RPS6KA2: variants seen among roughly 807,000 people sequenced by gnomAD.
RPS6KA2 encodes ribosomal protein S6 kinase A2.
Under a neutral mutation model 91.8 loss-of-function variants are expected in RPS6KA2, and 42 were observed. The observed-to-expected ratio is 0.46, with a 90% CI of 0.36 to 0.59. RPS6KA2 has a LOEUF of 0.59. RPS6KA2 is among the 20% of genes least tolerant of loss of function. The probability of loss-of-function intolerance (pLI) is 0.00; values close to 1 mark genes in which losing one functional copy is unlikely to be tolerated. For missense variants in RPS6KA2, 798 were observed against 978.5 expected (o/e 0.82, Z 2.46); for synonymous variants, 414 against 393.6 (o/e 1.05, Z -0.61).
intron 2 of RPS6KA2, among the ~76,000 whole-genome samples, chr6:166,854,285 C>G (rs1016831614): frequency 6.6e-6 from 1 of 152,240 alleles, no homozygotes; most frequent in African/African-American, 2.4e-5. Flanking sequence ...CACCAGAACT[C>G]ACCTTCTTGG....
At position 166,770,070 on chromosome 6, in the gene RPS6KA2, C is replaced by A. The variant is rs1156399513; in HGVS notation, c.123+88130G>T. Among the ~76,000 whole-genome samples, 1 of 152,162 alleles carries A rather than the reference C, an allele frequency of 6.6e-6. No homozygotes were observed. Among genetic ancestry groups the A allele is most frequent in the Non-Finnish European group, 1.5e-5 (1 of 68,038 alleles). On this transcript the variant is annotated intron_variant, in intron 2 of 21. Transcript: ENST00000503859. The surrounding 1 kb of genome is among the most constrained non-coding windows in gnomAD (Gnocchi z 5.1). ...TCAACCAGAAACCAACTTCCAATGA[C>A]CCGTTTGGCACCTACAAGGAGCAGG...
At chr6:166,543,861 CGTGA>C (rs970896762) in intron 1 of RPS6KA2, among the ~76,000 whole-genome samples, 187 of 130,196 alleles carry the variant, frequency 1.4e-3, no homozygotes, top group African/African-American at 4.8e-3. Context: ...AATGCACATA[CGTGA>C]GTGTGTGTGA....
At chr6:166,817,723 T>C (rs1268406282) in intron 2 of RPS6KA2, among the ~76,000 whole-genome samples, 3 of 145,066 alleles carry the variant, frequency 2.1e-5, no homozygotes, top group Admixed American at 1.4e-4. Context: ...TTTCTTTTTT[T>C]CTTTTTTTTT....
intron 2 of RPS6KA2, among the ~76,000 whole-genome samples, chr6:166,727,132 A>G (rs1031108385): frequency 6.6e-6 from 1 of 152,068 alleles, no homozygotes; most frequent in African/African-American, 2.4e-5. Flanking sequence ...CATTTATATA[A>G]TTAGCAGCTA....
chr6:166,418,310 GTATCGT>G lies in RPS6KA2; in HGVS notation c.1847_1852del (p.Asp616_Thr618delinsAla). 6.2e-7 allele frequency: 1 copy of G among 1,613,856 alleles called. No homozygotes were observed. Among genetic ancestry groups the G allele is most frequent in the Non-Finnish European group, 8.5e-7 (1 of 1,179,904 alleles). On this transcript the variant is annotated inframe_deletion, in exon 19 of 21. Transcript: ENST00000265678. This position sits in a 1 kb window ranked among gnomAD's most constrained non-coding sequence, Gnocchi z 4.9. Reference sequence around the variant, plus strand: ...GATCCGCGCCAGAATCTCCTCAGGGGTATCGTCTGGCCCATTTGCAAAAGGGGTAAA... The same window carrying G: ...GATCCGCGCCAGAATCTCCTCAGGGGCTGGCCCATTTGCAAAAGGGGTAAA...
intron 2 of RPS6KA2, among the ~76,000 whole-genome samples, chr6:166,746,247 C>T (rs1191410641): frequency 6.6e-6 from 1 of 152,228 alleles, no homozygotes; most frequent in Non-Finnish European, 1.5e-5. Context: ...TGAGCTCCTG[C>T]ACCCCTGCAC....
rs1037262919 is a variant in RPS6KA2, at chr6:166,437,442, C to T, written c.1333-4952G>A. On this transcript the variant is annotated intron_variant, in intron 14 of 20. Transcript: ENST00000265678. The surrounding 1 kb of genome is among the most constrained non-coding windows in gnomAD (Gnocchi z 4.3). ...CTGACGCTCAAATAATGCTGACGCG[C>T]CACGGAGTAGGAGTGGTGTCGTGGG... Among the ~76,000 whole-genome samples, 6 of 152,194 alleles carry T rather than the reference C, an allele frequency of 3.9e-5. No individual in the cohort carries two copies. The highest frequency in any genetic ancestry group is 2.1e-4 in the South Asian group (1 of 4,832).
chr6:166,824,645 CTGTGTGTG>C (rs55815873), intron 2 of RPS6KA2, among the ~76,000 whole-genome samples: 7 of 147,652 alleles, frequency 4.7e-5, no homozygotes, highest in East Asian at 2.0e-4. Flanking sequence ...GTCTGTATGT[CTGTGTGTG>C]TGTGTGTGTC....
intron 2 of RPS6KA2, among the ~76,000 whole-genome samples, chr6:166,771,886 G>A (rs1219711130): frequency 6.6e-6 from 1 of 152,138 alleles, no homozygotes; most frequent in Non-Finnish European, 1.5e-5. Flanking sequence ...ATGAGGAAAG[G>A]GGTCCAGCGA....
At position 166,494,742 on chromosome 6, in the gene RPS6KA2, G is replaced by C. The variant is rs1157835769; in HGVS notation, c.747+3766C>G. ...ACAGGCATCCTTCCTTCCAGGTCTG[G>C]GGAGGGCACTTGTGGATGCTGCTCC... On this transcript the variant is annotated intron_variant, in intron 8 of 20. Transcript: ENST00000265678. The surrounding 1 kb of genome is among the most constrained non-coding windows in gnomAD (Gnocchi z 5.1). Among the ~76,000 whole-genome samples, 1 of 152,170 alleles carries C rather than the reference G, an allele frequency of 6.6e-6. No individual in the cohort carries two copies. The highest frequency in any genetic ancestry group is 1.9e-4 in the East Asian group (1 of 5,196).
At chr6:166,740,850 A>T (rs1185235464) in intron 2 of RPS6KA2, among the ~76,000 whole-genome samples, 1 of 152,288 alleles carries the variant, frequency 6.6e-6, no homozygotes, top group Non-Finnish European at 1.5e-5. Flanking sequence ...GAAAATGCAG[A>T]TGAAAATATT....
intron 2 of RPS6KA2, among the ~76,000 whole-genome samples, chr6:166,692,828 G>C (rs200436480): frequency 2.0e-5 from 3 of 152,164 alleles, no homozygotes; most frequent in Admixed American, 1.3e-4. Flanking sequence ...AAGGCTTGGC[G>C]GAGGAGAGAG....
intron 10 of RPS6KA2, among the ~76,000 whole-genome samples, chr6:166,483,923 G>C (rs1781322419): frequency 6.6e-6 from 1 of 152,270 alleles, no homozygotes. Flanking sequence ...GAAGTGCTAA[G>C]AGAATGCAGG....
intron 2 of RPS6KA2, among the ~76,000 whole-genome samples, chr6:166,534,114 C>T (rs1370559391): frequency 1.3e-5 from 2 of 148,408 alleles, no homozygotes; most frequent in East Asian, 2.0e-4. Flanking sequence ...CTCAGCTACT[C>T]GAGAGGCTGA....
At chr6:166,713,186 C>T (rs1034092711) in intron 2 of RPS6KA2, among the ~76,000 whole-genome samples, 8 of 152,212 alleles carry the variant, frequency 5.3e-5, no homozygotes, top group African/African-American at 1.9e-4. Context: ...AACTCACTTT[C>T]TCTCTTTTCA....
At chr6:166,441,670 C>T (rs747690735) in intron 14 of RPS6KA2, among the ~76,000 whole-genome samples, 2 of 152,256 alleles carry the variant, frequency 1.3e-5, no homozygotes, top group African/African-American at 4.8e-5. Flanking sequence ...CTCACTGCAG[C>T]GCCCAGCGTT....
intron 1 of RPS6KA2, chr6:166,586,303 G>A (rs943346129): frequency 1.1e-5 from 17 of 1,598,624 alleles, no homozygotes; most frequent in Non-Finnish European, 1.3e-5. Flanking sequence ...CTGTTGTCTT[G>A]CAACCGATTG....
intron 2 of RPS6KA2, among the ~76,000 whole-genome samples, chr6:166,817,617 T>G (rs1015137373): frequency 3.9e-5 from 6 of 152,180 alleles, no homozygotes; most frequent in Non-Finnish European, 8.8e-5. Context: ...AGCACCCACA[T>G]GATCTTCACT....
chr6:166,691,217 G>C (rs1360731435), intron 2 of RPS6KA2, among the ~76,000 whole-genome samples: 1 of 152,132 alleles, frequency 6.6e-6, no homozygotes, highest in Admixed American at 6.5e-5. Flanking sequence ...TCCACTAAGA[G>C]TGCTGCCAGG....
Sources: gnomAD v4.1 joint callset for allele counts (sites outside exome capture counted in the v4.1 genomes callset) on GRCh38, gnomAD v4.1.1 for gene constraint, Gnocchi (gnomAD v3.1) non-coding constraint, MANE v1.5 for transcripts, NCBI Gene and HGNC (gene_info 2026-07-23, HGNC 2026-07-21) for gene names.